Variants in ZPLD1 observed in about 807,000 individuals in gnomAD.
ZPLD1 encodes the protein zona pellucida-like domain-containing protein 1.
In ZPLD1, 34 loss-of-function variants were observed where a neutral mutation model predicts 47.2. The ratio of observed to expected loss-of-function variants is 0.72; its 90% CI spans 0.55 to 0.96. ZPLD1 has a LOEUF of 0.96. Among genes scored for constraint, ZPLD1 ranks in the 40% least tolerant of loss-of-function variants. The pLI is 0.00. For missense variants in ZPLD1, 512 were observed against 505.8 expected, an observed-to-expected ratio of 1.01 and a Z score of -0.12; for synonymous variants, 176 against 186.2, an observed-to-expected ratio of 0.95 and a Z score of 0.45.
chr3:102,415,040 G>C (rs150257264), intron 7 of ZPLD1, among the ~76,000 whole-genome samples: 1 of 151,828 alleles, frequency 6.6e-6, no homozygotes, highest in South Asian at 2.1e-4. Context: ...TACTTGTTGA[G>C]CTGGGAAATC....
intron 10 of ZPLD1, among the ~76,000 whole-genome samples, chr3:102,471,350 G>A (rs1707682689): frequency 6.6e-6 from 1 of 152,094 alleles, no homozygotes; most frequent in African/African-American, 2.4e-5. Flanking sequence ...AATTCTCCAC[G>A]TCTTTATAAA....
chr3:102,396,899 G>A (rs1257022598), intron 7 of ZPLD1, among the ~76,000 whole-genome samples: 1 of 152,052 alleles, frequency 6.6e-6, no homozygotes, highest in African/African-American at 2.4e-5. Flanking sequence ...TAGAGCCCTG[G>A]CCCCACTACT....
intron 10 of ZPLD1, among the ~76,000 whole-genome samples, chr3:102,473,713 AT>A (rs752592079): frequency 6.6e-6 from 1 of 152,216 alleles, no homozygotes; most frequent in Non-Finnish European, 1.5e-5. Flanking sequence ...CCATGAAAAT[AT>A]ATATTTTTAA....
chr3:102,403,357 A>T (rs1288311614), intron 7 of ZPLD1, among the ~76,000 whole-genome samples: 2 of 151,996 alleles, frequency 1.3e-5, no homozygotes, highest in Non-Finnish European at 2.9e-5. Flanking sequence ...TTACTAGGAA[A>T]AAATTTAATA....
At chr3:102,389,535 C>G (rs1369857756) in intron 6 of ZPLD1, among the ~76,000 whole-genome samples, 1 of 152,138 alleles carries the variant, frequency 6.6e-6, no homozygotes, top group East Asian at 1.9e-4. Flanking sequence ...CCTGAATAAT[C>G]TAAAAGGCAG....
chr3:102,395,859 G>A (rs575174082), intron 7 of ZPLD1, among the ~76,000 whole-genome samples: 1 of 152,040 alleles, frequency 6.6e-6, no homozygotes, highest in African/African-American at 2.4e-5. Context: ...CTTTTAAATA[G>A]CATAATTAAA....
chr3:102,463,315 G>A (rs1389022710), intron 7 of ZPLD1, among the ~76,000 whole-genome samples: 1 of 152,204 alleles, frequency 6.6e-6, no homozygotes, highest in African/African-American at 2.4e-5. Flanking sequence ...TACAATTTAT[G>A]CTCTAAACTC....
intron 7 of ZPLD1, among the ~76,000 whole-genome samples, chr3:102,410,445 A>T (rs971339216): frequency 6.6e-6 from 1 of 151,810 alleles, no homozygotes; most frequent in Non-Finnish European, 1.5e-5. Context: ...GAAAACTAGA[A>T]CACCATAGAA....
At chr3:102,405,008 T>A (rs190533691) in intron 7 of ZPLD1, among the ~76,000 whole-genome samples, 33 of 152,130 alleles carry the variant, frequency 2.2e-4, no homozygotes, top group Non-Finnish European at 3.1e-4. Context: ...TTTAGGAAGA[T>A]ATTAGTATCT....
chr3:102,413,326 T>C (rs901813513), intron 7 of ZPLD1, among the ~76,000 whole-genome samples: 2 of 151,846 alleles, frequency 1.3e-5, no homozygotes, highest in African/African-American at 4.8e-5. Flanking sequence ...ATAGACACTT[T>C]CTCCAAATCA....
intron 3 of ZPLD1, among the ~76,000 whole-genome samples, chr3:102,439,839 A>C (rs942962894): frequency 1.3e-5 from 2 of 152,226 alleles, no homozygotes; most frequent in Non-Finnish European, 2.9e-5. Flanking sequence ...ATATCATTAA[A>C]TGCAGCCAAG....
rs182277650 is a variant in ZPLD1 at position 102,468,887 on chromosome 3, G to A, written c.762-77G>A. 10,045 of 1,407,498 alleles carry A rather than the reference G, an allele frequency of 7.1e-3. 48 individuals are homozygous for A. Among genetic ancestry groups the A allele is most frequent in the Non-Finnish European group, 8.6e-3 (8,865 of 1,031,418 alleles). The allele number at this position is 1,407,498 out of a possible 1,614,324, so 87.2% of individuals were successfully genotyped here. ...TAATGTAATGGCGGAGTCTTAATAC[G>A]GTAGAAATTAATTTACAAGTCCCAG... On this transcript the variant is annotated intron_variant, in intron 8 of 11. Coordinates refer to ENST00000466937, the MANE Select transcript of ZPLD1 (RefSeq NM_001329788.2).
chr3:102,417,939 G>A (rs1430596737), intron 7 of ZPLD1: 1 of 152,308 alleles, frequency 6.6e-6, no homozygotes, highest in Non-Finnish European at 1.5e-5. Flanking sequence ...AGGAAACAAA[G>A]GTCCCTAAAA....
chr3:102,465,585 TTTCTC>T (rs1386536551), intron 8 of ZPLD1, among the ~76,000 whole-genome samples: 1 of 152,146 alleles, frequency 6.6e-6, no homozygotes, highest in African/African-American at 2.4e-5. Flanking sequence ...TTTTTTGACA[TTTCTC>T]TTATTTTCCC....
intron 7 of ZPLD1, among the ~76,000 whole-genome samples, chr3:102,404,744 A>G (rs1706661865): frequency 6.6e-6 from 1 of 152,012 alleles, no homozygotes; most frequent in African/African-American, 2.4e-5. Flanking sequence ...TATGGTCTGT[A>G]TTTCCAGTTC....
At chr3:102,432,026 T>G (rs185404068), upstream of ZPLD1, among the ~76,000 whole-genome samples, 1 of 152,252 alleles carries the variant, frequency 6.6e-6, no homozygotes, top group Non-Finnish European at 1.5e-5. Context: ...GTTGCCTACC[T>G]GTGTGGCTTT....
chr3:102,437,038 C>T, intron 2 of ZPLD1, 65 bp downstream of exon 2: 2 of 677,192 alleles, frequency 3.0e-6, no homozygotes. Flanking sequence ...CCAAAGACTC[C>T]AAAAGAGCAA....
In ZPLD1 at chr3:102,406,989, A is replaced by C. The variant is rs559165290; in HGVS notation, c.-156-11071A>C. ...ATCATTTTTGAAGTTGTGATTACAT[A>C]TCCAAGTGGATGATGCTTAACAAGT... is the stretch of plus-strand genomic sequence containing the variant. On this transcript the variant is annotated intron_variant, in intron 7 of 17. Transcript: ENST00000491959. Among the ~76,000 whole-genome samples, 84 of 152,006 alleles carry C rather than the reference A, an allele frequency of 5.5e-4. 1 individual carries two copies. In the South Asian group the frequency reaches 6.2e-3, roughly 11 times the overall value.
chr3:102,469,236 T>C (rs1276714943), intron 9 of ZPLD1, 101 bp downstream of exon 9: 27 of 1,221,792 alleles, frequency 2.2e-5, no homozygotes, highest in Admixed American at 9.6e-5. Context: ...TGGATATGTG[T>C]TAGATCAAAT....
Sources: gnomAD v4.1 joint callset for allele counts (sites outside exome capture counted in the v4.1 genomes callset) on GRCh38, gnomAD v4.1.1 for gene constraint, MANE v1.5 for transcripts, NCBI Gene and HGNC (gene_info 2026-07-23, HGNC 2026-07-21) for gene names.